Variants in MAGI3 observed in about 807,000 individuals in gnomAD.
The protein encoded by MAGI3 is membrane associated guanylate kinase, WW and PDZ domain containing 3.
MAGI3 carries 43 observed loss-of-function variants against 121.8 expected under a neutral mutation model. The observed-to-expected ratio is 0.35, with a 90% CI of 0.28 to 0.46. The LOEUF is 0.46. MAGI3 is among the 20% of genes least tolerant of loss of function. The pLI is 1.00. For synonymous variants in MAGI3, 553 were observed against 639.3 expected, an observed-to-expected ratio of 0.86 and a Z score of 2.04; for missense variants, 1,547 against 1,797.3, an observed-to-expected ratio of 0.86 and a Z score of 2.52.
At chr1:113,448,852 G>A (rs1311131064) in intron 1 of MAGI3, among the ~76,000 whole-genome samples, 1 of 152,138 alleles carries the variant, frequency 6.6e-6, no homozygotes, top group Non-Finnish European at 1.5e-5. Flanking sequence ...GGGCACAGTG[G>A]ATCACGCCTG....
At chr1:113,528,108 A>G (rs975934388) in intron 1 of MAGI3, among the ~76,000 whole-genome samples, 3 of 152,140 alleles carry the variant, frequency 2.0e-5, no homozygotes, top group Non-Finnish European at 4.4e-5. Context: ...ATCTAAGAAA[A>G]TTGACAGTAA....
At chr1:113,591,550 A>G (rs1648693034) in intron 5 of MAGI3, among the ~76,000 whole-genome samples, 1 of 152,116 alleles carries the variant, frequency 6.6e-6, no homozygotes, top group Admixed American at 6.5e-5. Flanking sequence ...TATACCAAAT[A>G]GGATTCTAGT....
intron 1 of MAGI3, among the ~76,000 whole-genome samples, chr1:113,524,360 C>T (rs1016001786): frequency 4.6e-5 from 7 of 151,806 alleles, no homozygotes; most frequent in African/African-American, 1.7e-4. Context: ...CAGCTTGCAC[C>T]AGAAAAGCTG....
At chr1:113,627,837 C>T (rs1487764254) in intron 9 of MAGI3, among the ~76,000 whole-genome samples, 1 of 151,836 alleles carries the variant, frequency 6.6e-6, no homozygotes, top group African/African-American at 2.4e-5. Flanking sequence ...AATGTAGCTA[C>T]TGCTACTGTT....
At chr1:113,637,486 T>C (rs994589964) in intron 9 of MAGI3, among the ~76,000 whole-genome samples, 34 of 152,224 alleles carry the variant, frequency 2.2e-4, no homozygotes, top group East Asian at 1.9e-4. Flanking sequence ...CCTTCACTTA[T>C]GAAGTTTAGT....
chr1:113,574,269 A>T (rs978660516), intron 2 of MAGI3, among the ~76,000 whole-genome samples: 23 of 152,156 alleles, frequency 1.5e-4, no homozygotes, highest in Non-Finnish European at 1.2e-4. Context: ...ACATTAGTCG[A>T]TGCAGTTTCT....
At chr1:113,673,785 A>G (rs572379739) in intron 19 of MAGI3, among the ~76,000 whole-genome samples, 2 of 152,338 alleles carry the variant, frequency 1.3e-5, no homozygotes, top group South Asian at 2.1e-4. Context: ...TACACTTTTC[A>G]TCTTAATAAG....
At chr1:113,400,587 ATAAT>A (rs1651349303) in intron 1 of MAGI3, among the ~76,000 whole-genome samples, 1 of 152,176 alleles carries the variant, frequency 6.6e-6, no homozygotes, top group Non-Finnish European at 1.5e-5. Flanking sequence ...AAAGCCTGTA[ATAAT>A]TAGAGTTCTC....
rs1648517159 is a variant in MAGI3 at position 113,685,806 on chromosome 1, G to A, written c.*1792G>A. Reference sequence around the variant, plus strand: ...TTGGAATGCTGAGCAAAATGTGGATGTACTGGTTGTAAATGTTTATATATT... The same window carrying A: ...TTGGAATGCTGAGCAAAATGTGGATATACTGGTTGTAAATGTTTATATATT... On this transcript the variant is annotated 3_prime_UTR_variant, in exon 21 of 21. Transcript: ENST00000307546. 6.6e-6 allele frequency: 1 copy of A among 152,292 alleles called. No homozygotes were observed. The highest frequency in any genetic ancestry group is 2.1e-4 in the South Asian group (1 of 4,834). The allele number at this position is 152,292 out of a possible 1,614,324, so 9.4% of individuals were successfully genotyped here.
intron 8 of MAGI3, 126 bp from the exon 9 acceptor site, chr1:113,622,680 A>T: frequency 1.3e-6 from 1 of 757,494 alleles, no homozygotes; most frequent in Non-Finnish European, 2.0e-6. Context: ...AAGTAAGCAC[A>T]GACAAGGCAA....
At chr1:113,546,825 G>A (rs1211445630) in intron 1 of MAGI3, among the ~76,000 whole-genome samples, 1 of 150,942 alleles carries the variant, frequency 6.6e-6, no homozygotes, top group Non-Finnish European at 1.5e-5. Context: ...GCTCATGCCT[G>A]TAATCCTAGC....
chr1:113,640,908 T>TA, intron 9 of MAGI3, among the ~76,000 whole-genome samples: 2 of 133,860 alleles, frequency 1.5e-5, no homozygotes, highest in African/African-American at 5.6e-5. Context: ...TATATATATA[T>TA]TTATATATGA....
At chr1:113,547,551 G>A (rs888034995) in intron 1 of MAGI3, among the ~76,000 whole-genome samples, 5 of 152,062 alleles carry the variant, frequency 3.3e-5, no homozygotes, top group Non-Finnish European at 5.9e-5. Flanking sequence ...ACTATATAGC[G>A]ATCTACGAAA....
chr1:113,633,560 C>T (rs571484389), intron 9 of MAGI3, among the ~76,000 whole-genome samples: 5 of 149,894 alleles, frequency 3.3e-5, no homozygotes, highest in African/African-American at 4.8e-5. Context: ...CGCGCCCAGC[C>T]GAACTCATCA....
At chr1:113,472,967 A>G (rs996137215) in intron 1 of MAGI3, among the ~76,000 whole-genome samples, 1 of 152,220 alleles carries the variant, frequency 6.6e-6, no homozygotes. Context: ...TTAAACTTTT[A>G]TAGTAGAGTT....
At position 113,683,682 on chromosome 1, in the gene MAGI3, A is replaced by C; in HGVS notation, c.4114A>C (p.Asn1372His). 1 of 1,605,444 alleles carries C rather than the reference A, an allele frequency of 6.2e-7. No homozygotes were observed. The highest frequency in any genetic ancestry group is 1.3e-5 in the African/African-American group (1 of 74,666). ...GAAATCTCTTCCATCCAAAATGACT[A>C]ATAAGACTACAAGTAAAGAAGTATC... The part of the protein sequence containing the change: ...VEKSLPSKMT[N>H]KTTSKEVSEN... The change falls in exon 21 of 21, where the codon AAT becomes CAT. Residue 1372 changes from asparagine to histidine, a missense_variant. Coordinates refer to ENST00000307546, the MANE Select transcript of MAGI3 (RefSeq NM_001142782.2).
chr1:113,561,733 T>C (rs951360259), intron 2 of MAGI3, among the ~76,000 whole-genome samples: 8 of 152,160 alleles, frequency 5.3e-5, no homozygotes, highest in African/African-American at 1.9e-4. Flanking sequence ...TCACCACTCC[T>C]ATTCAATATA....
intron 1 of MAGI3, among the ~76,000 whole-genome samples, chr1:113,547,785 T>A (rs1659603744): frequency 6.6e-6 from 1 of 152,182 alleles, no homozygotes; most frequent in African/African-American, 2.4e-5. Context: ...TAAATAAGGC[T>A]TGGGTTAGTG....
At chr1:113,447,042 AT>A (rs1449368764) in intron 1 of MAGI3, among the ~76,000 whole-genome samples, 2 of 152,176 alleles carry the variant, frequency 1.3e-5, no homozygotes. Context: ...AAACAGTTTC[AT>A]TTTGGTGTAA....
Sources: gnomAD v4.1 joint callset for allele counts (sites outside exome capture counted in the v4.1 genomes callset) on GRCh38, gnomAD v4.1.1 for gene constraint, MANE v1.5 for transcripts, NCBI Gene and HGNC (gene_info 2026-07-23, HGNC 2026-07-21) for gene names.